GRIN2A: variants seen among roughly 807,000 people sequenced by gnomAD.
GRIN2A encodes glutamate ionotropic receptor NMDA type subunit 2A, also known as glutamate receptor ionotropic, NMDA 2A.
GRIN2A carries 22 observed loss-of-function variants against 113.4 expected under a neutral mutation model. The observed-to-expected ratio is 0.19, with a 90% CI of 0.14 to 0.28. The LOEUF (loss-of-function observed/expected upper bound fraction) is 0.28, where lower values mean the gene tolerates loss of function less well. GRIN2A is among the 10% of genes least tolerant of loss of function. The pLI, the probability that GRIN2A is intolerant of heterozygous loss-of-function variation, is 1.00. For synonymous variants in GRIN2A, 827 were observed against 738.4 expected (o/e 1.12, Z -1.94); for missense variants, 1,502 against 1,887.0 (o/e 0.80, Z 3.78).
At chr16:10,013,093 C>A (rs2046539977) in intron 2 of GRIN2A, among the ~76,000 whole-genome samples, 1 of 152,152 alleles carries the variant, frequency 6.6e-6, no homozygotes, top group East Asian at 1.9e-4. Flanking sequence ...TACAACAAAC[C>A]CCAGTGACAC....
chr16:10,112,820 C>T (rs2048645444), intron 2 of GRIN2A: 6 of 641,386 alleles, frequency 9.4e-6, no homozygotes, highest in African/African-American at 7.2e-5. Context: ...AGAAGTGGAC[C>T]ATGTCAGCCC....
chr16:9,774,463 C>T (rs2141166053), intron 11 of GRIN2A, among the ~76,000 whole-genome samples: 1 of 152,314 alleles, frequency 6.6e-6, no homozygotes, highest in South Asian at 2.1e-4. Flanking sequence ...CAGGTACCGG[C>T]TCTTTGATCA....
At chr16:9,905,809 T>C (rs1020581859) in intron 3 of GRIN2A, among the ~76,000 whole-genome samples, 8 of 152,178 alleles carry the variant, frequency 5.3e-5, no homozygotes, top group Admixed American at 5.2e-4. Flanking sequence ...CTCCTAGGAA[T>C]TTGAAAGTTG....
chr16:10,153,235 C>T (rs1326304242), intron 2 of GRIN2A, among the ~76,000 whole-genome samples: 8 of 152,196 alleles, frequency 5.3e-5, no homozygotes, highest in Admixed American at 4.6e-4. Context: ...TCTGTACATT[C>T]TGTTCAATTT....
intron 2 of GRIN2A, among the ~76,000 whole-genome samples, chr16:10,122,434 C>T (rs1034997331): frequency 1.3e-5 from 2 of 152,080 alleles, no homozygotes; most frequent in Admixed American, 1.3e-4. Context: ...GCAGCAGGTT[C>T]GGCTATTCAG....
intron 2 of GRIN2A, among the ~76,000 whole-genome samples, chr16:10,036,671 C>G (rs34508555): frequency 0.092 from 13,898 of 151,338 alleles, 691 homozygotes; most frequent in South Asian, 0.13. Context: ...TGGTCTCCAT[C>G]TCCTGACCTC....
intron 7 of GRIN2A, among the ~76,000 whole-genome samples, 153 bp from the exon 8 acceptor site, chr16:9,834,383 T>C (rs939273992): frequency 4.6e-5 from 7 of 152,190 alleles, no homozygotes; most frequent in African/African-American, 1.4e-4. Flanking sequence ...TTTTTATTTT[T>C]ATTTTTATTT....
At position 9,760,304 on chromosome 16, in the gene GRIN2A, A is replaced by G. The variant is rs1424640116; in HGVS notation, c.*2845T>C. ...CCTGATATTCTTTTTGCAAAGACTGAACTGACTTAGATGACCTTTGAATAA... is the reference window on the plus strand; with the variant it reads ...CCTGATATTCTTTTTGCAAAGACTGGACTGACTTAGATGACCTTTGAATAA... On this transcript the variant is annotated 3_prime_UTR_variant, in exon 13 of 13. Transcript: ENST00000330684. 4.4e-6 allele frequency: 1 copy of G among 225,064 alleles called. No individual in the cohort carries two copies. The highest frequency in any genetic ancestry group is 8.8e-6 in the Non-Finnish European group (1 of 113,434). 13.9% of individuals were successfully genotyped at this position (225,064 alleles called of 1,614,324 possible).
chr16:9,858,016 C>G (rs1279557818), intron 4 of GRIN2A, among the ~76,000 whole-genome samples: 1 of 152,100 alleles, frequency 6.6e-6, no homozygotes, highest in Non-Finnish European at 1.5e-5. Flanking sequence ...TTCATTTTCC[C>G]TTGGAGAGAT....
intron 2 of GRIN2A, among the ~76,000 whole-genome samples, chr16:10,143,546 A>G (rs1261956864): frequency 7.2e-5 from 11 of 152,242 alleles, no homozygotes; most frequent in Non-Finnish European, 1.6e-4. Context: ...AATTGTATTT[A>G]TAGTCAATAC....
At chr16:9,774,932 G>T (rs1479329354) in intron 11 of GRIN2A, among the ~76,000 whole-genome samples, 2 of 152,158 alleles carry the variant, frequency 1.3e-5, no homozygotes, top group Non-Finnish European at 2.9e-5. Flanking sequence ...CAGGGAGAAG[G>T]TTCAGCTCTC....
At chr16:9,777,862 G>C (rs1901698174) in intron 11 of GRIN2A, among the ~76,000 whole-genome samples, 1 of 152,234 alleles carries the variant, frequency 6.6e-6, no homozygotes, top group African/African-American at 2.4e-5. Context: ...TCAGGAGTTT[G>C]AGACCGGCCT....
At chr16:9,994,578 G>T (rs1294519017) in intron 2 of GRIN2A, among the ~76,000 whole-genome samples, 1 of 152,152 alleles carries the variant, frequency 6.6e-6, no homozygotes, top group Non-Finnish European at 1.5e-5. Context: ...AAATGCAGGA[G>T]CAAGATGAGG....
chr16:9,924,949 G>A lies in GRIN2A; in HGVS notation c.1007+13010C>T, dbSNP rs546649873. Among the ~76,000 whole-genome samples the A allele has an allele frequency of 3.3e-5, 5 of 152,164 alleles. No homozygotes were observed. The South Asian group carries it at 1.0e-3, about 32-fold the overall frequency. ...GTTAGAGTTACTCTCTATAGTAATA[G>A]CCCCATGTGCCAATTCCAACATTCA... On this transcript the variant is annotated intron_variant, in intron 3 of 12. Transcript: ENST00000330684.
At chr16:9,799,155 C>A (rs545798717) in intron 10 of GRIN2A, among the ~76,000 whole-genome samples, 3 of 152,098 alleles carry the variant, frequency 2.0e-5, no homozygotes, top group Non-Finnish European at 4.4e-5. Context: ...TAGGACATAC[C>A]GTCTCTGTTG....
At chr16:10,038,605 AG>A (rs1193630260) in intron 2 of GRIN2A, among the ~76,000 whole-genome samples, 1 of 152,046 alleles carries the variant, frequency 6.6e-6, no homozygotes, top group African/African-American at 2.4e-5. Flanking sequence ...GCACTTTGGG[AG>A]GCCGAGGCGG....
chr16:10,039,614 G>C (rs2047104857), intron 2 of GRIN2A, among the ~76,000 whole-genome samples: 2 of 151,790 alleles, frequency 1.3e-5, no homozygotes, highest in Admixed American at 6.6e-5. Context: ...GGTGGCGTTG[G>C]GCGCGGGGAG....
At chr16:9,877,211 G>T (rs1177902166) in intron 4 of GRIN2A, among the ~76,000 whole-genome samples, 1 of 152,144 alleles carries the variant, frequency 6.6e-6, no homozygotes, top group Admixed American at 6.5e-5. Context: ...TTATTATGCG[G>T]CTAAAGTGAA....
chr16:9,995,704 G>C (rs550099031), intron 2 of GRIN2A, among the ~76,000 whole-genome samples: 1 of 152,236 alleles, frequency 6.6e-6, no homozygotes, highest in Admixed American at 6.5e-5. Flanking sequence ...TGTGATTCTT[G>C]CACTTACATT....
Sources: gnomAD v4.1 joint callset for allele counts (sites outside exome capture counted in the v4.1 genomes callset) on GRCh38, gnomAD v4.1.1 for gene constraint, MANE v1.5 for transcripts, NCBI Gene and HGNC (gene_info 2026-07-23, HGNC 2026-07-21) for gene names.